Variants in SHANK2 observed in about 807,000 individuals in gnomAD.
SHANK2 encodes the protein SH3 and multiple ankyrin repeat domains protein 2.
SHANK2 carries 43 observed loss-of-function variants against 133.7 expected under a neutral mutation model. That is an observed-to-expected ratio of 0.32 (90% CI 0.25 to 0.41). SHANK2 has a LOEUF of 0.41. Among genes scored for constraint, SHANK2 ranks in the 10% least tolerant of loss-of-function variants. The pLI, the probability that SHANK2 is intolerant of heterozygous loss-of-function variation, is 1.00. For missense variants in SHANK2, 1,994 were observed against 2,235.8 expected (o/e 0.89, Z 2.18); for synonymous variants, 1,017 against 952.8 (o/e 1.07, Z -1.24).
intron 17 of SHANK2, among the ~76,000 whole-genome samples, chr11:70,592,371 T>C (rs1554988260): frequency 6.6e-6 from 1 of 152,106 alleles, no homozygotes; most frequent in Non-Finnish European, 1.5e-5. Context: ...CCACTCGGAG[T>C]GAGAGGCAGG....
At chr11:71,072,660 G>A (rs1233421688) in intron 9 of SHANK2, among the ~76,000 whole-genome samples, 2 of 151,764 alleles carry the variant, frequency 1.3e-5, no homozygotes, top group Admixed American at 6.6e-5. Context: ...AGATGTCCAC[G>A]CACATGATCC....
chr11:70,645,017 T>C (rs1457306644), intron 17 of SHANK2, among the ~76,000 whole-genome samples: 2 of 151,294 alleles, frequency 1.3e-5, no homozygotes, highest in Non-Finnish European at 2.9e-5. Flanking sequence ...AGTTCAGGAG[T>C]TCGAGACGAG....
chr11:70,603,738 A>C (rs146269730), intron 17 of SHANK2: 9 of 152,914 alleles, frequency 5.9e-5, no homozygotes, highest in Admixed American at 3.3e-4. Flanking sequence ...AAGAGGCGCC[A>C]GGAGAATCCC....
At position 70,728,279 on chromosome 11, in the gene SHANK2, G is replaced by A. The variant is rs191852565; in HGVS notation, c.1778-29516C>T. Reference sequence around the variant, plus strand: ...TCCCCAGATGCAGATGGGTCCTTGTGGGATCCAAAGAGGATCCCTCTGGGA... The same window carrying A: ...TCCCCAGATGCAGATGGGTCCTTGTAGGATCCAAAGAGGATCCCTCTGGGA... On this transcript the variant is annotated intron_variant, in intron 14 of 25. Transcript: ENST00000601538. 1.4e-3 allele frequency among the ~76,000 whole-genome samples: 208 copies of A among 152,310 alleles called. 1 individual carries two copies. Among genetic ancestry groups the A allele is most frequent in the Non-Finnish European group, 2.6e-3 (174 of 68,026 alleles).
At chr11:70,648,433 C>T (rs1555009146) in intron 17 of SHANK2, among the ~76,000 whole-genome samples, 2 of 152,216 alleles carry the variant, frequency 1.3e-5, no homozygotes, top group Non-Finnish European at 1.5e-5. Context: ...ACACTGTCTC[C>T]TGGTGGCAGC....
intron 17 of SHANK2, among the ~76,000 whole-genome samples, chr11:70,616,299 G>C (rs571328629): frequency 6.6e-6 from 1 of 152,066 alleles, no homozygotes; most frequent in Non-Finnish European, 1.5e-5. Context: ...CAGGCCCTGC[G>C]TCTGTTGGCG....
chr11:70,669,967 T>G (rs1013028162), intron 15 of SHANK2, among the ~76,000 whole-genome samples: 11 of 152,196 alleles, frequency 7.2e-5, no homozygotes, highest in Non-Finnish European at 1.3e-4. Context: ...GGCAGAAAGG[T>G]ACATTGAACA....
intron 9 of SHANK2, among the ~76,000 whole-genome samples, chr11:71,068,810 T>C (rs901101181): frequency 1.2e-4 from 19 of 152,206 alleles, no homozygotes; most frequent in Admixed American, 3.9e-4. Context: ...ACCATCACCA[T>C]GACCATGCTC....
chr11:70,486,781 C>T lies in SHANK2; in HGVS notation c.3512G>A (p.Arg1171Lys), dbSNP rs1555153869. The T allele has an allele frequency of 4.3e-6, 7 of 1,611,716 alleles. No homozygotes were observed. In the East Asian group the frequency reaches 1.6e-4, roughly 36 times the overall value. Reference protein sequence around the residue: ...AEASAPGEAGRPLNSTSKAQG... With the variant: ...AEASAPGEAGKPLNSTSKAQG... The stretch of plus-strand genomic sequence containing the variant: ...GGCTTTGGACGTGGAATTCAGCGGC[C>T]TCCCAGCCTCACCCGGAGCACTGGC... The change falls in exon 25 of 26, where the codon AGG becomes AAG. Residue 1171 changes from arginine (R) to lysine (K), a missense_variant. Arg to Lys is a conservative substitution (Grantham distance 26, BLOSUM62 2). Around this residue, in one of 5 missense-constraint regions of SHANK2, gnomAD observed 797 missense variants for 907.4 expected, o/e 0.88. Coordinates refer to ENST00000601538, the MANE Select transcript of SHANK2 (RefSeq NM_012309.5). This position sits in a 1 kb window ranked among gnomAD's most constrained non-coding sequence, Gnocchi z 8.0.
At chr11:71,244,817 C>T (rs561347744) in intron 1 of SHANK2, among the ~76,000 whole-genome samples, 64 of 152,230 alleles carry the variant, frequency 4.2e-4, no homozygotes, top group African/African-American at 1.3e-3. Context: ...ATCTCTTGTG[C>T]CTTAGCCTTC....
At chr11:70,602,857 G>T (rs1343531744) in intron 17 of SHANK2, among the ~76,000 whole-genome samples, 4 of 152,148 alleles carry the variant, frequency 2.6e-5, no homozygotes, top group Admixed American at 2.6e-4. Flanking sequence ...AAATGCACGT[G>T]GACCCACAGG....
At chr11:71,200,057 T>A (rs1295868137) in intron 2 of SHANK2, among the ~76,000 whole-genome samples, 1 of 152,220 alleles carries the variant, frequency 6.6e-6, no homozygotes, top group Admixed American at 6.5e-5. Flanking sequence ...CCATGTTGTG[T>A]AACCATCACC....
At chr11:70,494,263 C>T (rs2058937428) in intron 21 of SHANK2, among the ~76,000 whole-genome samples, 1 of 152,142 alleles carries the variant, frequency 6.6e-6, no homozygotes, top group African/African-American at 2.4e-5. Context: ...TGTTCCAGAC[C>T]CTTGGGCCAG....
rs1554982672 is a variant in SHANK2, at chr11:70,569,572, T to A, written c.2062-66641A>T. On this transcript the variant is annotated intron_variant, in intron 17 of 25. Coordinates refer to ENST00000601538, the MANE Select transcript of SHANK2 (RefSeq NM_012309.5). This position sits in a 1 kb window ranked among gnomAD's most constrained non-coding sequence, Gnocchi z 5.1. ...TGGTGCCGCAGCCCTCTCCTTTCTG[T>A]GGCCCCTCCCCACGTGGAGGATACC... 6.6e-6 allele frequency among the ~76,000 whole-genome samples: 1 copy of A among 152,124 alleles called. No individual in the cohort carries two copies. Among genetic ancestry groups the A allele is most frequent in the African/African-American group, 2.4e-5 (1 of 41,426 alleles).
chr11:71,157,372 T>C (rs1277091609), intron 2 of SHANK2, among the ~76,000 whole-genome samples: 3 of 152,240 alleles, frequency 2.0e-5, no homozygotes, highest in African/African-American at 7.2e-5. Context: ...TATTAAGACA[T>C]TGGGGTGTCC....
chr11:71,226,422 A>C (rs1954645383), intron 1 of SHANK2: 1 of 152,256 alleles, frequency 6.6e-6, no homozygotes, highest in Non-Finnish European at 1.5e-5. Context: ...AAATTTGCTG[A>C]GAGATATAAA....
At chr11:70,689,696 ACCTGAACTTCCAGG>A (rs1555020503) in intron 15 of SHANK2, among the ~76,000 whole-genome samples, 1 of 152,236 alleles carries the variant, frequency 6.6e-6, no homozygotes, top group Admixed American at 6.5e-5. Flanking sequence ...ACCCCCAGAC[ACCTGAACTTCCAGG>A]CCTAGGACCA....
At chr11:71,170,548 G>A (rs969772193) in intron 2 of SHANK2, among the ~76,000 whole-genome samples, 12 of 152,204 alleles carry the variant, frequency 7.9e-5, no homozygotes, top group Non-Finnish European at 1.6e-4. Context: ...GAAAGCAGAA[G>A]AAACTATGAT....
chr11:71,147,049 C>A, intron 3 of SHANK2, 71 bp downstream of exon 3: 1 of 1,306,406 alleles, frequency 7.7e-7, no homozygotes, highest in Non-Finnish European at 1.0e-6. Context: ...AGGACCAGAG[C>A]AGGCCTCTGG....
Sources: allele counts gnomAD v4.1 joint callset (sites outside exome capture counted in the v4.1 genomes callset), GRCh38; gene constraint gnomAD v4.1.1; regional missense constraint gnomAD v4.1.1; non-coding constraint Gnocchi (gnomAD v3.1); transcripts MANE v1.5; gene names NCBI Gene and HGNC (gene_info 2026-07-23, HGNC 2026-07-21).